The following WNK1 variants were observed in gnomAD, a reference collection of about 807,000 sequenced individuals.
WNK1 encodes serine/threonine-protein kinase WNK1.
Under a neutral mutation model 222.8 loss-of-function variants are expected in WNK1, and 38 were observed. The observed-to-expected ratio is 0.17, with a 90% CI of 0.13 to 0.22. The LOEUF (loss-of-function observed/expected upper bound fraction) is 0.22. Ranked by LOEUF, WNK1 falls within the 10% of genes least tolerant of loss-of-function variation. The pLI, the probability that WNK1 is intolerant of heterozygous loss-of-function variation, is 1.00. For synonymous variants in WNK1, 1,090 were observed against 1,092.9 expected, an observed-to-expected ratio of 1.00 and a Z score of 0.05; for missense variants, 2,348 against 2,918.4, an observed-to-expected ratio of 0.80 and a Z score of 4.50.
rs1473889611 is a variant in WNK1 at position 879,749 on chromosome 12, T to A, written c.2550T>A (p.His850Gln). 6.2e-7 allele frequency: 1 copy of A among 1,613,926 alleles called. No homozygotes were observed. ...PVSQIPISTP[H>Q]VSTAQTGFSS... is the part of the protein sequence containing the mutation. ...CTCAGATTCCCATATCAACTCCTCA[T>A]GTGTCTACGGCTCAGACAGGTTTCT... Residue 850 changes from histidine (H) to glutamine (Q), a missense_variant, in exon 11 of 28, where the codon CAT (histidine) becomes CAA (glutamine). Physicochemically the swap from His to Gln is conservative, Grantham distance 24. Coordinates refer to ENST00000315939, the MANE Select transcript of WNK1 (RefSeq NM_018979.4).
chr12:880,510 G>C (rs940776943), intron 11 of WNK1, among the ~76,000 whole-genome samples: 1 of 152,108 alleles, frequency 6.6e-6, no homozygotes, highest in Non-Finnish European at 1.5e-5. Context: ...CAATAAAGTA[G>C]TATTGTAGAG....
chr12:885,574 T>C lies in WNK1; in HGVS notation c.4770T>C (p.Ser1590=), dbSNP rs1288731406. ...PILPQAAGPT[S]TPLLPQVPSI... ...TTCCCCAAGCAGCAGGACCTACTTC[T>C]ACACCTTTATTACCCCAAGTACCTA... is the stretch of plus-strand genomic sequence containing the variant. Residue 1590 remains serine, a synonymous_variant, in exon 19 of 28, where the codon TCT becomes TCC. Coordinates refer to ENST00000315939, the MANE Select transcript of WNK1 (RefSeq NM_018979.4). The C allele has an allele frequency of 6.2e-7, 1 of 1,614,176 alleles. No individual in the cohort carries two copies. Among genetic ancestry groups the C allele is most frequent in the Non-Finnish European group, 8.5e-7 (1 of 1,180,022 alleles).
intron 26 of WNK1, among the ~76,000 whole-genome samples, chr12:905,638 C>T (rs1955632087): frequency 6.6e-6 from 1 of 152,182 alleles, no homozygotes; most frequent in Admixed American, 6.5e-5. Context: ...TGACAATCCC[C>T]ATGCATGTGA....
chr12:784,362 C>G lies in WNK1; in HGVS notation c.760-29280C>G, dbSNP rs1408265575. ...GCCAAGTACCTCTTGTTAAACTGTT[C>G]AACAGCCTTTCCCTACCATCTCAAG... On this transcript the variant is annotated intron_variant, in intron 1 of 27. Transcript: ENST00000315939. 2.6e-5 allele frequency among the ~76,000 whole-genome samples: 4 copies of G among 152,010 alleles called. No individual in the cohort carries two copies. In the South Asian group the frequency reaches 6.2e-4, roughly 24 times the overall value.
At chr12:807,878 C>G (rs1241291311) in intron 1 of WNK1, among the ~76,000 whole-genome samples, 1 of 151,942 alleles carries the variant, frequency 6.6e-6, no homozygotes, top group African/African-American at 2.4e-5. Flanking sequence ...CGCCACTACG[C>G]CTGGCTAATT....
chr12:838,510 G>A (rs184992036), intron 4 of WNK1, among the ~76,000 whole-genome samples: 1 of 152,182 alleles, frequency 6.6e-6, no homozygotes, highest in Admixed American at 6.5e-5. Flanking sequence ...CATCTCCTGG[G>A]CTCAAGTGAT....
intron 1 of WNK1, among the ~76,000 whole-genome samples, chr12:787,087 A>G (rs1397726234): frequency 6.6e-6 from 1 of 152,212 alleles, no homozygotes; most frequent in Non-Finnish European, 1.5e-5. Context: ...AGTGACTTAA[A>G]TGAAATTATG....
chr12:815,604 T>C (rs1303961664), intron 2 of WNK1, among the ~76,000 whole-genome samples: 1 of 152,262 alleles, frequency 6.6e-6, no homozygotes, highest in East Asian at 1.9e-4. Context: ...GAACAAGTGC[T>C]AGATATCACA....
At chr12:841,039 A>T (rs1466000741) in intron 4 of WNK1, among the ~76,000 whole-genome samples, 1 of 152,234 alleles carries the variant, frequency 6.6e-6, no homozygotes, top group Non-Finnish European at 1.5e-5. Flanking sequence ...CTGTATTCTC[A>T]GTATAGTGTT....
At position 894,545 on chromosome 12, in the gene WNK1, C is replaced by T. The variant is rs1437258627; in HGVS notation, c.5510-17C>T. 6.2e-7 allele frequency: 1 copy of T among 1,608,030 alleles called. No individual in the cohort carries two copies. The highest frequency in any genetic ancestry group is 1.3e-5 in the African/African-American group (1 of 74,888). On this transcript the variant is annotated splice_polypyrimidine_tract_variant and intron_variant, in intron 22 of 27. Coordinates refer to ENST00000315939, the MANE Select transcript of WNK1 (RefSeq NM_018979.4). ...AAGGAGACACTTATGTTTTCCTCATCCATGTATTTGTTTCAGTTTCTCAAG... is the reference window on the plus strand; with the variant it reads ...AAGGAGACACTTATGTTTTCCTCATTCATGTATTTGTTTCAGTTTCTCAAG...
chr12:801,054 G>A (rs1479485649), intron 1 of WNK1, among the ~76,000 whole-genome samples: 3 of 152,018 alleles, frequency 2.0e-5, no homozygotes, highest in African/African-American at 7.3e-5. Flanking sequence ...TTACTTCTTG[G>A]GCCAGAATTT....
intron 8 of WNK1, chr12:865,306 A>C (rs1196836914): frequency 2.6e-6 from 4 of 1,535,860 alleles, no homozygotes; most frequent in Non-Finnish European, 3.5e-6. Context: ...CTGCCTATGC[A>C]CTCTGCCTCT....
Position 883,499 on chromosome 12 carries a change from G to A in WNK1, c.3594G>A (p.Val1198=). 6.2e-7 allele frequency: 1 copy of A among 1,613,916 alleles called. No homozygotes were observed. Among genetic ancestry groups the A allele is most frequent in the South Asian group, 1.1e-5 (1 of 91,076 alleles). Residue 1198 remains valine (V), a synonymous_variant, in exon 16 of 28, where the codon GTG becomes GTA. Coordinates refer to ENST00000315939, the MANE Select transcript of WNK1 (RefSeq NM_018979.4). ...ADEMLSEDVS[V]EPEGDQGLES... ...AAATGCTCAGTGAGGATGTCAGTGTGGAACCAGAGGGTGATCAGGGATTGG... is the reference window on the plus strand; with the variant it reads ...AAATGCTCAGTGAGGATGTCAGTGTAGAACCAGAGGGTGATCAGGGATTGG...
At chr12:894,484 C>T in intron 22 of WNK1, 78 bp from the exon 23 acceptor site, 1 of 1,236,328 alleles carries the variant, frequency 8.1e-7, no homozygotes, top group Non-Finnish European at 1.2e-6. Context: ...TTTGATTTTG[C>T]TGTATTTCTA....
chr12:754,242 A>T lies in WNK1; in HGVS notation c.677A>T (p.Glu226Val), dbSNP rs72647373. 352 of 1,613,712 alleles carry T rather than the reference A, an allele frequency of 2.2e-4. 1 individual carries two copies. In the African/African-American group the frequency reaches 4.3e-3, roughly 20 times the overall value. The part of the protein sequence containing the change: ...NDGRFLKFDI[E>V]IGRGSFKTVY... ...GGCCGCTTTCTCAAGTTTGACATCG[A>T]AATCGGCAGAGGCTCCTTTAAGACG... The change falls in exon 1 of 28, where the codon GAA becomes GTA. Residue 226 changes from glutamate (E) to valine (V), a missense_variant. Physicochemically the swap from Glu to Val is moderately radical, Grantham distance 121. Coordinates refer to ENST00000315939, the MANE Select transcript of WNK1 (RefSeq NM_018979.4).
At chr12:841,516 TTAGTTC>T (rs2055984868) in intron 4 of WNK1, among the ~76,000 whole-genome samples, 1 of 152,238 alleles carries the variant, frequency 6.6e-6, no homozygotes, top group African/African-American at 2.4e-5. Flanking sequence ...TTATTTCCCT[TTAGTTC>T]TTTAGTTTCT....
In WNK1 at chr12:862,201, C is replaced by T; in HGVS notation, c.2070C>T (p.Val690=). 1 of 1,614,068 alleles carries T rather than the reference C, an allele frequency of 6.2e-7. No individual in the cohort carries two copies. The highest frequency in any genetic ancestry group is 1.1e-5 in the South Asian group (1 of 91,072). ...QHEQAHSTGT[V]PGHIPSTVQA... ...AACAGGCACATTCTACAGGCACAGT[C>T]CCAGGGCATATACCTTCTACTGTCC... The change falls in exon 8 of 28, where the codon GTC becomes GTT. Residue 690 remains valine (V), a synonymous_variant. Transcript: ENST00000315939.
At chr12:773,395 A>G (rs1345406379) in intron 1 of WNK1, among the ~76,000 whole-genome samples, 1 of 152,194 alleles carries the variant, frequency 6.6e-6, no homozygotes, top group Non-Finnish European at 1.5e-5. Flanking sequence ...AAAGTGTTAA[A>G]TCTACTCTAG....
At chr12:772,185 T>C (rs1488779505) in intron 1 of WNK1, among the ~76,000 whole-genome samples, 1 of 152,210 alleles carries the variant, frequency 6.6e-6, no homozygotes. Context: ...AAATAAAAAA[T>C]CACCTGCAGT....
Sources: allele counts gnomAD v4.1 joint callset (sites outside exome capture counted in the v4.1 genomes callset), GRCh38; gene constraint gnomAD v4.1.1; transcripts MANE v1.5; gene names NCBI Gene and HGNC (gene_info 2026-07-23, HGNC 2026-07-21).